Variants in KIAA0513 observed in about 807,000 individuals in gnomAD.
KIAA0513 encodes the protein uncharacterized protein KIAA0513.
KIAA0513 carries 39 observed loss-of-function variants against 56.5 expected under a neutral mutation model. The ratio of observed to expected loss-of-function variants is 0.69; its 90% confidence interval spans 0.53 to 0.90. The LOEUF is 0.90. KIAA0513 is among the 40% of genes least tolerant of loss of function. The probability of loss-of-function intolerance (pLI) is 0.00; values close to 1 mark genes in which losing one functional copy is unlikely to be tolerated. For synonymous variants in KIAA0513, 268 were observed against 215.6 expected (o/e 1.24, Z -2.13); for missense variants, 591 against 535.2 (o/e 1.10, Z -1.03).
chr16:85,028,759 A>G (rs921660357), intron 1 of KIAA0513, among the ~76,000 whole-genome samples: 3 of 152,148 alleles, frequency 2.0e-5, no homozygotes, highest in Admixed American at 2.0e-4. Context: ...GGGGCCAGGC[A>G]TGAGTCCCAG....
Position 85,081,227 on chromosome 16 carries a change from C to A in KIAA0513, c.903-88C>A. ...TAGAAGCTCAGACAGATGTGAGACA[C>A]TGCCCTTGTTTATCCCTCAAGGGGC... On this transcript the variant is annotated intron_variant, in intron 8 of 12. Transcript: ENST00000683363. The surrounding 1 kb of genome is among the most constrained non-coding windows in gnomAD (Gnocchi z 4.4). 1 of 1,162,660 alleles carries A rather than the reference C, an allele frequency of 8.6e-7. No homozygotes were observed. 72.0% of individuals were successfully genotyped at this position (1,162,660 alleles called of 1,614,324 possible). A position where few individuals can be genotyped will look rare whatever the true frequency, so the allele number is the denominator to read the frequency against.
chr16:85,049,550 G>A (rs551285545), intron 1 of KIAA0513, among the ~76,000 whole-genome samples: 2 of 152,190 alleles, frequency 1.3e-5, no homozygotes, highest in East Asian at 1.9e-4. Flanking sequence ...CCTCGAGATA[G>A]CGAGTTCTCA....
In KIAA0513 at chr16:85,086,562, C is replaced by T. The variant is rs117051043; in HGVS notation, c.1011-82C>T. 7.4e-5 allele frequency: 102 copies of T among 1,374,486 alleles called. 1 individual carries two copies. In the East Asian group the frequency reaches 1.5e-3, roughly 21 times the overall value. 85.1% of individuals were successfully genotyped at this position (1,374,486 alleles called of 1,614,324 possible). On this transcript the variant is annotated intron_variant, in intron 10 of 12. Transcript: ENST00000683363. Reference sequence around the variant, plus strand: ...GGGCCGTACATGGGTGCCGCCAGCACCTGCGGGTCAGAACAGGGCGAGGAG... The same window carrying T: ...GGGCCGTACATGGGTGCCGCCAGCATCTGCGGGTCAGAACAGGGCGAGGAG...
intron 1 of KIAA0513, among the ~76,000 whole-genome samples, chr16:85,060,702 G>T (rs1022753841): frequency 6.6e-6 from 1 of 152,112 alleles, no homozygotes; most frequent in Non-Finnish European, 1.5e-5. Context: ...AAGTTAGCCA[G>T]GTGTGGTAGC....
chr16:85,073,954 TTTG>T (rs1013584966), intron 4 of KIAA0513, among the ~76,000 whole-genome samples: 1 of 151,578 alleles, frequency 6.6e-6, no homozygotes, highest in African/African-American at 2.4e-5. Context: ...TGTCGTTTTT[TTTG>T]TTTTGTTTTG....
intron 1 of KIAA0513, among the ~76,000 whole-genome samples, chr16:85,046,153 G>A (rs2073168051): frequency 6.6e-6 from 1 of 152,218 alleles, no homozygotes; most frequent in Non-Finnish European, 1.5e-5. Context: ...AGAGAGCCGA[G>A]TAGGAGTCAA....
At chr16:85,053,038 C>G (rs891538946) in intron 1 of KIAA0513, among the ~76,000 whole-genome samples, 6 of 152,100 alleles carry the variant, frequency 3.9e-5, no homozygotes, top group Non-Finnish European at 7.4e-5. Context: ...CAGGTGCCCA[C>G]CACCACACCC....
At chr16:85,078,320 A>T in intron 6 of KIAA0513, 95 bp from the exon 7 acceptor site, 3 of 1,338,078 alleles carry the variant, frequency 2.2e-6, no homozygotes, top group Non-Finnish European at 3.2e-6. Flanking sequence ...TATTAAATGT[A>T]CCCAGTCCCA....
At chr16:85,049,737 A>G (rs1400519270) in intron 1 of KIAA0513, among the ~76,000 whole-genome samples, 1 of 152,088 alleles carries the variant, frequency 6.6e-6, no homozygotes, top group Non-Finnish European at 1.5e-5. Flanking sequence ...CAGCCTGTAG[A>G]TCCAATTGAA....
intron 12 of KIAA0513, among the ~76,000 whole-genome samples, chr16:85,087,533 C>G (rs2073823664): frequency 6.6e-6 from 1 of 152,198 alleles, no homozygotes; most frequent in South Asian, 2.1e-4. Context: ...GCATCCTTTT[C>G]TTTCTCAGAC....
chr16:85,040,544 C>G (rs1354802343), intron 1 of KIAA0513, among the ~76,000 whole-genome samples: 1 of 152,224 alleles, frequency 6.6e-6, no homozygotes, highest in East Asian at 1.9e-4. Context: ...AAAAGAAACT[C>G]CAATGTCCAT....
intron 1 of KIAA0513, among the ~76,000 whole-genome samples, chr16:85,040,566 C>T (rs1300234639): frequency 1.3e-5 from 2 of 152,104 alleles, no homozygotes; most frequent in African/African-American, 4.8e-5. Context: ...ATCGCAGGTA[C>T]ACGTTTGTTG....
intron 1 of KIAA0513, among the ~76,000 whole-genome samples, chr16:85,034,178 A>C (rs186362902): frequency 5.3e-5 from 8 of 152,268 alleles, no homozygotes; most frequent in Admixed American, 5.2e-4. Context: ...CAGGAGTTCG[A>C]GACCAGCCTG....
Position 85,078,916 on chromosome 16 carries a change from C to G in KIAA0513, c.824-9C>G. The stretch of plus-strand genomic sequence containing the variant: ...GAGCTGCTTTCAGCCATTCTCTCTC[C>G]TCCCACAGTGACCGCGTACAGCCCC... On this transcript the variant is annotated splice_polypyrimidine_tract_variant and intron_variant, in intron 7 of 12. Coordinates refer to ENST00000683363, the MANE Select transcript of KIAA0513 (RefSeq NM_001388359.1). 6.2e-7 allele frequency: 1 copy of G among 1,614,116 alleles called. No homozygotes were observed. Among genetic ancestry groups the G allele is most frequent in the South Asian group, 1.1e-5 (1 of 91,072 alleles).
chr16:85,044,057 C>A (rs1417449411), intron 1 of KIAA0513, among the ~76,000 whole-genome samples: 1 of 152,186 alleles, frequency 6.6e-6, no homozygotes, highest in Non-Finnish European at 1.5e-5. Flanking sequence ...AAATGCCTTA[C>A]TTGAACCTTC....
intron 4 of KIAA0513, among the ~76,000 whole-genome samples, chr16:85,073,897 C>T (rs2073616369): frequency 1.3e-5 from 2 of 152,180 alleles, no homozygotes; most frequent in Admixed American, 6.6e-5. Flanking sequence ...GAAAAATATC[C>T]CTCCTTTACT....
In KIAA0513 at chr16:85,088,462, C is replaced by T. The variant is rs987747892; in HGVS notation, c.*137C>T. 1.2e-5 allele frequency: 8 copies of T among 680,970 alleles called. No homozygotes were observed. The highest frequency in any genetic ancestry group is 7.2e-5 in the Admixed American group (3 of 41,434). 42.2% of individuals were successfully genotyped at this position (680,970 alleles called of 1,614,324 possible). A position where few individuals can be genotyped will look rare whatever the true frequency, so the allele number is the denominator to read the frequency against. ...GCCACTCCTGCTGCCCTAGAACTAGCGGTTAGAAGAATCCGCTGTTCCTCC... is the reference window on the plus strand; with the variant it reads ...GCCACTCCTGCTGCCCTAGAACTAGTGGTTAGAAGAATCCGCTGTTCCTCC... On this transcript the variant is annotated 3_prime_UTR_variant, in exon 13 of 13. Coordinates refer to ENST00000683363, the MANE Select transcript of KIAA0513 (RefSeq NM_001388359.1).
At position 85,076,999 on chromosome 16, in the gene KIAA0513, G is replaced by T. The variant is rs537920749; in HGVS notation, c.575-426G>T. Among the ~76,000 whole-genome samples the T allele has an allele frequency of 4.6e-5, 7 of 152,188 alleles. No individual in the cohort carries two copies. The East Asian group carries it at 1.4e-3, about 30-fold the overall frequency. On this transcript the variant is annotated intron_variant, in intron 5 of 12. Transcript: ENST00000683363. The surrounding 1 kb of genome is among the most constrained non-coding windows in gnomAD (Gnocchi z 4.7). The stretch of plus-strand genomic sequence containing the variant: ...TCCATCCACTGGCTAAGGGAGTTTG[G>T]GTGCTGCCCAGACTCCTCCTCCAGG...
intron 1 of KIAA0513, among the ~76,000 whole-genome samples, chr16:85,066,228 C>G (rs1376462922): frequency 6.6e-6 from 1 of 152,034 alleles, no homozygotes; most frequent in African/African-American, 2.4e-5. Context: ...GAATAGAACT[C>G]CAGGGTGGGA....
Sources: gnomAD v4.1 joint callset for allele counts (sites outside exome capture counted in the v4.1 genomes callset) on GRCh38, gnomAD v4.1.1 for gene constraint, Gnocchi (gnomAD v3.1) non-coding constraint, MANE v1.5 for transcripts, NCBI Gene and HGNC (gene_info 2026-07-23, HGNC 2026-07-21) for gene names.